The following NOVA2 variants were observed in gnomAD, a reference collection of about 807,000 sequenced individuals.
The protein encoded by NOVA2 is RNA-binding protein Nova-2.
Under a neutral mutation model 22.5 loss-of-function variants are expected in NOVA2, and 9 were observed. The observed-to-expected ratio is 0.40, with a 90% CI of 0.24 to 0.70. The LOEUF (loss-of-function observed/expected upper bound fraction) is 0.70. NOVA2 is among the 30% of genes least tolerant of loss of function. The pLI is 0.38. For missense variants in NOVA2, 383 were observed against 682.8 expected, an observed-to-expected ratio of 0.56 and a Z score of 4.89; for synonymous variants, 318 against 335.2, an observed-to-expected ratio of 0.95 and a Z score of 0.56.
At chr19:45,948,291 A>G (rs888658640) in intron 3 of NOVA2, among the ~76,000 whole-genome samples, 2 of 152,172 alleles carry the variant, frequency 1.3e-5, no homozygotes, top group African/African-American at 2.4e-5. Context: ...TATAAGCCAT[A>G]GAAGCACTCA....
At chr19:45,960,816 GC>G (rs1249772311) in intron 2 of NOVA2, among the ~76,000 whole-genome samples, 193 bp downstream of exon 2, 1 of 152,172 alleles carries the variant, frequency 6.6e-6, no homozygotes, top group Non-Finnish European at 1.5e-5. Context: ...GTCTTGCCCT[GC>G]CCCCACCCCC....
Position 45,940,393 on chromosome 19 carries a change from TGGCCCCGGC to T in NOVA2, c.940_948del (p.Ala314_Ala316del), listed in dbSNP as rs777311413. On this transcript the variant is annotated inframe_deletion, in exon 4 of 4. Coordinates refer to ENST00000263257, the MANE Select transcript of NOVA2 (RefSeq NM_002516.4). ...TTGGCGGCGGCGGCGGCTGCTGGGT[TGGCCCCGGC>T]GGCCACGGCGGCCAGGACGCCGGAA... 2.1e-6 allele frequency: 3 copies of T among 1,442,448 alleles called. No individual in the cohort carries two copies. The highest frequency in any genetic ancestry group is 2.4e-5 in the Admixed American group (1 of 41,102). The allele number at this position is 1,442,448 out of a possible 1,614,324, so 89.4% of individuals were successfully genotyped here.
rs1423644545 is a variant in NOVA2, at chr19:45,973,398, G to T, written c.-47C>A. ...CTGCTGCTGCTGCGGCGGCTGCGGC[G>T]GCGGCGGCGGCGGCTGCTGTGGCGG... On this transcript the variant is annotated 5_prime_UTR_variant, in exon 1 of 4. Coordinates refer to ENST00000263257, the MANE Select transcript of NOVA2 (RefSeq NM_002516.4). 38 of 451,534 alleles carry T rather than the reference G, an allele frequency of 8.4e-5. No individual in the cohort carries two copies. Among genetic ancestry groups the T allele is most frequent in the Non-Finnish European group, 1.1e-4 (36 of 318,244 alleles). The allele number at this position is 451,534 out of a possible 1,614,324, so 28.0% of individuals were successfully genotyped here. A position where few individuals can be genotyped will look rare whatever the true frequency, so the allele number is the denominator to read the frequency against.
rs10415067 is a variant in NOVA2 at position 45,948,669 on chromosome 19, G to C, written c.396+5111C>G. 4.9e-3 allele frequency among the ~76,000 whole-genome samples: 738 copies of C among 151,854 alleles called. 6 individuals carry two copies. Among genetic ancestry groups the C allele is most frequent in the African/African-American group, 0.017 (710 of 41,412 alleles). ...TGATTATTGTCATTGTTATCCCCAT[G>C]GATGGAGCTGGATTTAAATCCCACA... On this transcript the variant is annotated intron_variant, in intron 3 of 3. Coordinates refer to ENST00000263257, the MANE Select transcript of NOVA2 (RefSeq NM_002516.4).
intron 2 of NOVA2, among the ~76,000 whole-genome samples, chr19:45,954,269 T>C (rs921288754): frequency 2.0e-5 from 3 of 152,314 alleles, no homozygotes; most frequent in East Asian, 1.9e-4. Context: ...CTCTTCTCAG[T>C]TCTTGCGGTT....
intron 2 of NOVA2, among the ~76,000 whole-genome samples, chr19:45,954,890 G>T (rs924314932): frequency 1.1e-3 from 166 of 144,908 alleles, no homozygotes; most frequent in Non-Finnish European, 1.8e-3. Context: ...GTGTGTGTGT[G>T]TGTACTTGAG....
intron 3 of NOVA2, among the ~76,000 whole-genome samples, chr19:45,952,695 A>G (rs1470538540): frequency 6.6e-6 from 1 of 152,198 alleles, no homozygotes; most frequent in Non-Finnish European, 1.5e-5. Flanking sequence ...GCTGGTGGGA[A>G]GGGATTCGGG....
Position 45,940,178 on chromosome 19 carries a change from G to GGCCGCCCCT in NOVA2, c.1163_1164insAGGGGCGGC (p.Ala390_Gly392dup). 1 of 1,589,332 alleles carries GGCCGCCCCT rather than the reference G, an allele frequency of 6.3e-7. No individual in the cohort carries two copies. Among genetic ancestry groups the GGCCGCCCCT allele is most frequent in the African/African-American group, 1.3e-5 (1 of 74,218 alleles). The stretch of plus-strand genomic sequence containing the variant: ...CCGTCAGGAAGCCCCCGGCCGCCCC[G>GGCCGCCCCT]GCCGCGGCTGCAGCGGCCACCAGCG... On this transcript the variant is annotated inframe_insertion, in exon 4 of 4. Coordinates refer to ENST00000263257, the MANE Select transcript of NOVA2 (RefSeq NM_002516.4).
At position 45,940,473 on chromosome 19, in the gene NOVA2, C is replaced by T; in HGVS notation, c.869G>A (p.Gly290Asp). ...CAGGCCCAGGGAGTTGGTGTTGTAG[C>T]CGTAACTTGCCAGCGTGTTAAGCGC... ...STALNTLASY[G>D]YNTNSLGLGL... The change falls in exon 4 of 4, where the codon GGC becomes GAC. Residue 290 changes from glycine to aspartate, a missense_variant. Gly to Asp is a moderately conservative substitution (Grantham distance 94). Around this residue, in one of 2 missense-constraint regions of NOVA2, gnomAD observed 349 missense variants for 578.1 expected, o/e 0.60. Transcript: ENST00000263257. 6.5e-7 allele frequency: 1 copy of T among 1,537,872 alleles called. No individual in the cohort carries two copies. Among genetic ancestry groups the T allele is most frequent in the Non-Finnish European group, 8.8e-7 (1 of 1,142,798 alleles).
rs1295543961 is a variant in NOVA2 at position 45,958,103 on chromosome 19, T to G, written c.229+2907A>C. ...CTCCAGCCTGGTGACAGAGCAAGAC[T>G]CCGTCTCAAAAAAAAAAAAAAAAAA... On this transcript the variant is annotated intron_variant, in intron 2 of 3. Coordinates refer to ENST00000263257, the MANE Select transcript of NOVA2 (RefSeq NM_002516.4). 2.2e-4 allele frequency among the ~76,000 whole-genome samples: 23 copies of G among 106,260 alleles called. No homozygotes were observed. The East Asian group carries it at 5.3e-3, about 24-fold the overall frequency. 69.7% of individuals were successfully genotyped at this position (106,260 alleles called of 152,430 possible).
In NOVA2 at chr19:45,940,541, C is replaced by T. The variant is rs768212803; in HGVS notation, c.801G>A (p.Ala267=). 2 of 1,491,732 alleles carry T rather than the reference C, an allele frequency of 1.3e-6. No homozygotes were observed. The highest frequency in any genetic ancestry group is 1.8e-6 in the Non-Finnish European group (2 of 1,122,910). The allele number at this position is 1,491,732 out of a possible 1,614,324, so 92.4% of individuals were successfully genotyped here. The change falls in exon 4 of 4, where the codon GCG becomes GCA. Residue 267 remains alanine (A), a synonymous_variant. Transcript: ENST00000263257. ...GLAGVGAFPA[A]LPAFSGTDLL... is the part of the protein sequence containing the mutation. ...GGTCGGTGCCTGAGAAGGCGGGCAGCGCGGCGGGAAAGGCCCCCACGCCAG... is the reference window on the plus strand; with the variant it reads ...GGTCGGTGCCTGAGAAGGCGGGCAGTGCGGCGGGAAAGGCCCCCACGCCAG...
rs1363980051 is a variant in NOVA2, at chr19:45,973,269, C to G, written c.83G>C (p.Gly28Ala). 4.1e-6 allele frequency: 6 copies of G among 1,462,908 alleles called. No individual in the cohort carries two copies. The African/African-American group carries it at 7.3e-5, about 18-fold the overall frequency. 90.6% of individuals were successfully genotyped at this position (1,462,908 alleles called of 1,614,324 possible). Residue 28 changes from glycine to alanine, a missense_variant and splice_region_variant, in exon 1 of 4, where the codon GGA becomes GCA. Transcript: ENST00000263257. ...EVVCTKRSNT[G>A]EEGEYFLKVL... ...CCCGAGCCGCAGCCCTTTCTCACCT[C>G]CCGTGTTGCTGCGCTTGGTGCAGAC...
intron 3 of NOVA2, among the ~76,000 whole-genome samples, chr19:45,950,869 A>G (rs1348608359): frequency 6.6e-6 from 1 of 152,204 alleles, no homozygotes; most frequent in African/African-American, 2.4e-5. Flanking sequence ...AGGTGTTATT[A>G]TTACCCCATT....
chr19:45,963,623 T>G (rs537612757), intron 1 of NOVA2, among the ~76,000 whole-genome samples: 2 of 150,618 alleles, frequency 1.3e-5, no homozygotes, highest in South Asian at 2.1e-4. Flanking sequence ...GCTCCGCCTC[T>G]CCGATTCACG....
At chr19:45,941,475 G>T (rs922662443) in intron 3 of NOVA2, among the ~76,000 whole-genome samples, 1 of 151,984 alleles carries the variant, frequency 6.6e-6, no homozygotes, top group Non-Finnish European at 1.5e-5. Context: ...CGAAGGGAGG[G>T]TCTTTACGGT....
intron 2 of NOVA2, among the ~76,000 whole-genome samples, chr19:45,958,561 G>C (rs1263276943): frequency 1.4e-5 from 2 of 144,638 alleles, no homozygotes; most frequent in South Asian, 2.1e-4. Flanking sequence ...GCGTGTGTGT[G>C]GGTGTGAGGG....
At chr19:45,949,072 T>C (rs180938582) in intron 3 of NOVA2, among the ~76,000 whole-genome samples, 9 of 152,120 alleles carry the variant, frequency 5.9e-5, no homozygotes, top group African/African-American at 2.2e-4. Flanking sequence ...ATATAAAAGA[T>C]CCAGAATAGG....
At chr19:45,968,788 A>G (rs1968198377) in intron 1 of NOVA2, among the ~76,000 whole-genome samples, 1 of 152,108 alleles carries the variant, frequency 6.6e-6, no homozygotes, top group African/African-American at 2.4e-5. Flanking sequence ...CACACCAAGC[A>G]CATGACGGTG....
At position 45,939,665 on chromosome 19, in the gene NOVA2, G is replaced by A. The variant is rs1234657158; in HGVS notation, c.*198C>T. The A allele has an allele frequency of 4.6e-6, 3 of 653,992 alleles. No individual in the cohort carries two copies. The highest frequency in any genetic ancestry group is 7.7e-6 in the Non-Finnish European group (3 of 390,920). The allele number at this position is 653,992 out of a possible 1,614,324, so 40.5% of individuals were successfully genotyped here. ...GGGTCAGTTCCGGGCTGGGGAGGGG[G>A]CTTCTGAGCCCCCTTCCCAACCGTC... On this transcript the variant is annotated 3_prime_UTR_variant, in exon 4 of 4. Transcript: ENST00000263257.
Sources: allele counts gnomAD v4.1 joint callset (sites outside exome capture counted in the v4.1 genomes callset), GRCh38; gene constraint gnomAD v4.1.1; regional missense constraint gnomAD v4.1.1; transcripts MANE v1.5; gene names NCBI Gene and HGNC (gene_info 2026-07-23, HGNC 2026-07-21).